The following TESK2 variants were observed in gnomAD, a reference collection of about 807,000 sequenced individuals.
TESK2 encodes dual specificity testis-specific protein kinase 2.
TESK2 carries 39 observed loss-of-function variants against 57.1 expected under a neutral mutation model. That is an observed-to-expected ratio of 0.68 (90% CI 0.53 to 0.89). TESK2 has a LOEUF of 0.89. Among genes scored for constraint, TESK2 ranks in the 40% least tolerant of loss-of-function variants. The pLI, the probability that TESK2 is intolerant of heterozygous loss-of-function variation, is 0.00. For synonymous variants in TESK2, 249 were observed against 267.9 expected, an observed-to-expected ratio of 0.93 and a Z score of 0.69; for missense variants, 646 against 732.1, an observed-to-expected ratio of 0.88 and a Z score of 1.36.
rs1653468558 is a variant in TESK2 at position 45,486,159 on chromosome 1, C to A, written c.-87+4693G>T. Among the ~76,000 whole-genome samples, 4 of 152,276 alleles carry A rather than the reference C, an allele frequency of 2.6e-5. No homozygotes were observed. In the South Asian group the frequency reaches 8.3e-4, roughly 32 times the overall value. On this transcript the variant is annotated intron_variant, in intron 1 of 10. Coordinates refer to ENST00000372086, the MANE Select transcript of TESK2 (RefSeq NM_007170.3). ...CACTGAAGTCATCTCCATATGATGA[C>A]TTTGTAAATAGTATAATAGCCATTG...
chr1:45,488,038 C>G (rs1421303688), intron 1 of TESK2, among the ~76,000 whole-genome samples: 13 of 151,820 alleles, frequency 8.6e-5, no homozygotes. Context: ...CTCAGCCTCT[C>G]CAGTAGCTGG....
chr1:45,345,792 G>T, intron 10 of TESK2, 85 bp downstream of exon 10: 2 of 1,149,830 alleles, frequency 1.7e-6, no homozygotes, highest in Non-Finnish European at 2.6e-6. Flanking sequence ...TGGGATCCTG[G>T]CAATCACAAC....
chr1:45,453,151 A>G (rs1464845752), intron 2 of TESK2, among the ~76,000 whole-genome samples: 1 of 151,946 alleles, frequency 6.6e-6, no homozygotes, highest in African/African-American at 2.4e-5. Flanking sequence ...GTTCAACACC[A>G]GCCTTAACAT....
intron 6 of TESK2, 26 bp from the exon 7 acceptor site, chr1:45,347,719 T>G (rs953627415): frequency 3.0e-5 from 49 of 1,610,944 alleles, no homozygotes; most frequent in Non-Finnish European, 4.1e-5. Flanking sequence ...ATACAGAAAA[T>G]GAGCTTGCCA....
intron 3 of TESK2, among the ~76,000 whole-genome samples, chr1:45,391,065 A>C (rs1437415696): frequency 2.0e-5 from 3 of 151,502 alleles, no homozygotes; most frequent in South Asian, 2.1e-4. Flanking sequence ...CTATAGGCGC[A>C]TGCCACCACA....
At chr1:45,345,725 T>C (rs553728371) in intron 10 of TESK2, 152 bp downstream of exon 10, 1 of 896,522 alleles carries the variant, frequency 1.1e-6, no homozygotes, top group African/African-American at 1.7e-5. Flanking sequence ...GCCACAGCTC[T>C]TAAAAAGGCC....
At chr1:45,450,522 T>C (rs1038643916) in intron 2 of TESK2, among the ~76,000 whole-genome samples, 1 of 151,738 alleles carries the variant, frequency 6.6e-6, no homozygotes, top group African/African-American at 2.4e-5. Context: ...CCCACAACTA[T>C]GCTGCATCAA....
intron 1 of TESK2, among the ~76,000 whole-genome samples, chr1:45,485,757 G>T (rs1653451929): frequency 1.3e-5 from 2 of 150,592 alleles, no homozygotes; most frequent in Non-Finnish European, 3.0e-5. Flanking sequence ...CTGACCTCAA[G>T]TGATCCACCT....
At chr1:45,359,405 CA>C (rs1212686757) in intron 4 of TESK2, among the ~76,000 whole-genome samples, 1 of 151,748 alleles carries the variant, frequency 6.6e-6, no homozygotes, top group Non-Finnish European at 1.5e-5. Flanking sequence ...ACTAAAAATA[CA>C]AAAATTAGCC....
intron 3 of TESK2, among the ~76,000 whole-genome samples, chr1:45,397,347 C>T (rs72686459): frequency 0.076 from 11,557 of 152,202 alleles, 634 homozygotes; most frequent in Non-Finnish European, 0.11. Context: ...ATTATAGAGT[C>T]TGTGTTCTTA....
chr1:45,361,132 C>G (rs949066271), intron 4 of TESK2, among the ~76,000 whole-genome samples: 2 of 152,130 alleles, frequency 1.3e-5, no homozygotes, highest in East Asian at 3.9e-4. Context: ...GATTGCTACA[C>G]GGTCTCTGTG....
chr1:45,465,026 CAGG>C (rs1345203771), intron 1 of TESK2, among the ~76,000 whole-genome samples: 1 of 152,072 alleles, frequency 6.6e-6, no homozygotes, highest in African/African-American at 2.4e-5. Flanking sequence ...CACCTGAGGT[CAGG>C]AGTTCGAGAC....
chr1:45,452,732 T>C (rs998907050), intron 2 of TESK2, among the ~76,000 whole-genome samples: 1 of 148,074 alleles, frequency 6.8e-6, no homozygotes, highest in African/African-American at 2.5e-5. Flanking sequence ...CTGGGCAACA[T>C]AGCAAGACCC....
At chr1:45,407,078 A>G (rs1263664359) in intron 3 of TESK2, among the ~76,000 whole-genome samples, 4 of 152,132 alleles carry the variant, frequency 2.6e-5, no homozygotes, top group East Asian at 1.9e-4. Context: ...TCAGGATTAC[A>G]TCGTTAAAAT....
intron 3 of TESK2, among the ~76,000 whole-genome samples, chr1:45,397,313 C>A (rs1245490848): frequency 1.3e-5 from 2 of 152,128 alleles, no homozygotes; most frequent in Non-Finnish European, 2.9e-5. Flanking sequence ...AAAGGCAGAG[C>A]CGGGAGTCAA....
chr1:45,422,967 A>G (rs995601872), intron 2 of TESK2, among the ~76,000 whole-genome samples: 1 of 151,592 alleles, frequency 6.6e-6, no homozygotes, highest in Admixed American at 6.6e-5. Context: ...ACGGGGTTTC[A>G]CCATGTTGGC....
intron 3 of TESK2, among the ~76,000 whole-genome samples, chr1:45,395,352 T>A (rs1227152885): frequency 1.3e-5 from 2 of 152,198 alleles, no homozygotes; most frequent in African/African-American, 4.8e-5. Context: ...TACTGAATAC[T>A]GTAGACAACT....
At chr1:45,405,011 A>C (rs1649779009) in intron 3 of TESK2, among the ~76,000 whole-genome samples, 1 of 152,154 alleles carries the variant, frequency 6.6e-6, no homozygotes, top group Non-Finnish European at 1.5e-5. Context: ...AACAATAATA[A>C]AAAATAGTGA....
intron 3 of TESK2, among the ~76,000 whole-genome samples, chr1:45,416,409 G>C (rs149926179): frequency 6.6e-6 from 1 of 152,164 alleles, no homozygotes; most frequent in African/African-American, 2.4e-5. Context: ...AAAGTGCTGG[G>C]ATTACAGGTG....
Sources: gnomAD v4.1 joint callset for allele counts (sites outside exome capture counted in the v4.1 genomes callset) on GRCh38, gnomAD v4.1.1 for gene constraint, MANE v1.5 for transcripts, NCBI Gene and HGNC (gene_info 2026-07-23, HGNC 2026-07-21) for gene names.